Variants in ZNF292 observed in about 807,000 individuals in gnomAD.
The protein encoded by ZNF292 is 16 zinc-finger domain protein.
In ZNF292, 26 loss-of-function variants were observed where a neutral mutation model predicts 217.9. The observed-to-expected ratio is 0.12, with a 90% CI of 0.09 to 0.17. ZNF292 has a LOEUF of 0.17. Among genes scored for constraint, ZNF292 ranks in the 10% least tolerant of loss-of-function variants. The probability of loss-of-function intolerance (pLI) is 1.00; values close to 1 mark genes in which losing one functional copy is unlikely to be tolerated. For synonymous variants in ZNF292, 1,257 were observed against 1,124.1 expected (o/e 1.12, Z -2.37); for missense variants, 2,904 against 3,175.2 (o/e 0.91, Z 2.05).
intron 7 of ZNF292, among the ~76,000 whole-genome samples, chr6:87,248,459 G>A (rs538751376): frequency 1.3e-5 from 2 of 152,190 alleles, no homozygotes; most frequent in South Asian, 4.1e-4. Context: ...AAAAAATAAA[G>A]TAGCTGGGCA....
rs113358150 is a variant in ZNF292 at position 87,159,293 on chromosome 6, T to G, written c.168+3534T>G. Among the ~76,000 whole-genome samples, 555 of 152,230 alleles carry G rather than the reference T, an allele frequency of 3.6e-3. 2 individuals carry two copies. The highest frequency in any genetic ancestry group is 0.013 in the African/African-American group (534 of 41,544). ...TTTGCTTATTTAAATGAGAATTTGC[T>G]TAAAGCTTAAGTGGGAGGAGGGAAG... On this transcript the variant is annotated intron_variant, in intron 1 of 7. Coordinates refer to ENST00000369577, the MANE Select transcript of ZNF292 (RefSeq NM_015021.3).
In ZNF292 at chr6:87,258,143, G is replaced by A; in HGVS notation, c.4514G>A (p.Gly1505Asp). 1 of 1,612,046 alleles carries A rather than the reference G, an allele frequency of 6.2e-7. No homozygotes were observed. The highest frequency in any genetic ancestry group is 8.5e-7 in the Non-Finnish European group (1 of 1,179,162). The change falls in exon 8 of 8, where the codon GGT (glycine) becomes GAT (aspartate). Residue 1505 changes from glycine to aspartate, a missense_variant. Transcript: ENST00000369577. Reference protein sequence around the residue: ...ETAGIPSTFEGAEMLSHVSTG... With the variant: ...ETAGIPSTFEDAEMLSHVSTG... Reference sequence around the variant, plus strand: ...GCTGGCATTCCCAGTACATTTGAGGGTGCCGAAATGCTTTCTCATGTTTCA... The same window carrying A: ...GCTGGCATTCCCAGTACATTTGAGGATGCCGAAATGCTTTCTCATGTTTCA...
At chr6:87,215,649 C>A (rs942180359) in intron 1 of ZNF292, among the ~76,000 whole-genome samples, 1 of 152,036 alleles carries the variant, frequency 6.6e-6, no homozygotes, top group African/African-American at 2.4e-5. Context: ...ATAACTCTTG[C>A]CCTATTTAAA....
chr6:87,243,388 A>G, intron 5 of ZNF292, 87 bp from the exon 6 acceptor site: 4 of 1,151,706 alleles, frequency 3.5e-6, no homozygotes, highest in Non-Finnish European at 4.6e-6. Context: ...AAAACTATCT[A>G]AATATTTAAT....
intron 7 of ZNF292, among the ~76,000 whole-genome samples, chr6:87,247,273 A>ACGCG (rs1318310693): frequency 8.4e-6 from 1 of 118,812 alleles, no homozygotes; most frequent in Non-Finnish European, 1.7e-5. Context: ...CACCCGCAAC[A>ACGCG]CACACACATG....
chr6:87,167,476 A>G (rs1770955304), intron 1 of ZNF292, among the ~76,000 whole-genome samples: 1 of 152,148 alleles, frequency 6.6e-6, no homozygotes, highest in South Asian at 2.1e-4. Context: ...CCCCATCTCT[A>G]CTAAAAATAC....
chr6:87,156,015 T>A (rs1770519404), intron 1 of ZNF292, among the ~76,000 whole-genome samples: 1 of 152,164 alleles, frequency 6.6e-6, no homozygotes, highest in South Asian at 2.1e-4. Flanking sequence ...TTCCCTGAAC[T>A]CGGGACTGCG....
rs141338279 is a variant in ZNF292, at chr6:87,265,827, T to A, written c.*4026T>A. On this transcript the variant is annotated 3_prime_UTR_variant, in exon 8 of 8. Coordinates refer to ENST00000369577, the MANE Select transcript of ZNF292 (RefSeq NM_015021.3). ...AATTTATATATCCCAATGGGTTGAT[T>A]CCTTTGCTGTATTGGTTGTTAATGT... Among the ~76,000 whole-genome samples, 1 of 152,364 alleles carries A rather than the reference T, an allele frequency of 6.6e-6. No individual in the cohort carries two copies. Among genetic ancestry groups the A allele is most frequent in the Non-Finnish European group, 1.5e-5 (1 of 68,036 alleles).
intron 1 of ZNF292, among the ~76,000 whole-genome samples, chr6:87,199,011 G>A (rs771080844): frequency 1.3e-5 from 2 of 152,132 alleles, no homozygotes; most frequent in African/African-American, 4.8e-5. Context: ...GCTTATATTC[G>A]TTTTGGGTGG....
intron 1 of ZNF292, among the ~76,000 whole-genome samples, chr6:87,163,483 T>A (rs1239554069): frequency 6.6e-6 from 1 of 151,924 alleles, no homozygotes; most frequent in Non-Finnish European, 1.5e-5. Context: ...ACCACATACA[T>A]TTTAGTTACA....
chr6:87,257,093 A>G lies in ZNF292; in HGVS notation c.3464A>G (p.Tyr1155Cys), dbSNP rs894508130. ...LNTPNNGKFV[Y>C]FLPSPVNSSN... ...ACACCAAATAATGGAAAGTTTGTTT[A>G]TTTTTTGCCATCACCGGTGAACAGC... Residue 1155 changes from tyrosine to cysteine, a missense_variant, in exon 8 of 8, where the codon TAT becomes TGT. Physicochemically the swap from Tyr to Cys is radical, Grantham distance 194. This residue lies in a region of ZNF292 where 687 missense variants were observed against 623.0 expected (regional missense o/e 1.10). Coordinates refer to ENST00000369577, the MANE Select transcript of ZNF292 (RefSeq NM_015021.3). 1 of 1,613,758 alleles carries G rather than the reference A, an allele frequency of 6.2e-7. No homozygotes were observed. The highest frequency in any genetic ancestry group is 1.3e-5 in the African/African-American group (1 of 74,918).
In ZNF292 at chr6:87,258,652, C is replaced by A. The variant is rs1775380482; in HGVS notation, c.5023C>A (p.Pro1675Thr). 2 of 1,613,332 alleles carry A rather than the reference C, an allele frequency of 1.2e-6. No individual in the cohort carries two copies. The highest frequency in any genetic ancestry group is 1.7e-6 in the Non-Finnish European group (2 of 1,179,714). Reference protein sequence around the residue: ...PTTNLHSNVIPTCEPQSLVEN... With the variant: ...PTTNLHSNVITTCEPQSLVEN... ...TACTAACCTTCATTCAAATGTAATT[C>A]CAACTTGTGAACCTCAGAGTTTGGT... Residue 1675 changes from proline (P) to threonine (T), a missense_variant, in exon 8 of 8, where the codon CCA (proline) becomes ACA (threonine). By Grantham distance (38) the Pro-to-Thr change is conservative (BLOSUM62 -1). Coordinates refer to ENST00000369577, the MANE Select transcript of ZNF292 (RefSeq NM_015021.3).
intron 6 of ZNF292, among the ~76,000 whole-genome samples, chr6:87,244,630 C>T (rs961946173): frequency 1.3e-5 from 2 of 152,052 alleles, no homozygotes; most frequent in African/African-American, 2.4e-5. Flanking sequence ...AGTAGTAGTA[C>T]AGAGTTCAGA....
At chr6:87,171,549 T>A (rs2025630) in intron 1 of ZNF292, among the ~76,000 whole-genome samples, 96,264 of 152,020 alleles carry the variant, frequency 0.63, 32,139 homozygotes, top group African/African-American at 0.85. Flanking sequence ...CTATTAATAC[T>A]TTTAAGAGGA....
At position 87,263,692 on chromosome 6, in the gene ZNF292, A is replaced by G. The variant is rs1186275001; in HGVS notation, c.*1891A>G. The G allele has an allele frequency of 6.6e-6, 1 of 152,040 alleles. No homozygotes were observed. The highest frequency in any genetic ancestry group is 1.9e-4 in the East Asian group (1 of 5,204). The allele number at this position is 152,040 out of a possible 1,614,324, so 9.4% of individuals were successfully genotyped here. On this transcript the variant is annotated 3_prime_UTR_variant, in exon 8 of 8. Transcript: ENST00000369577. ...AAGTTATTTTATGGGTGATTAATAC[A>G]TGGGTTTTCTTTTTCCTAAATTAAC...
chr6:87,156,110 T>C (rs1026078349), intron 1 of ZNF292, among the ~76,000 whole-genome samples: 1 of 152,128 alleles, frequency 6.6e-6, no homozygotes, highest in African/African-American at 2.4e-5. Flanking sequence ...TCCTCCTCCT[T>C]TTATTGTGCA....
chr6:87,175,303 T>A (rs1365865417), intron 1 of ZNF292, among the ~76,000 whole-genome samples: 2 of 152,194 alleles, frequency 1.3e-5, no homozygotes, highest in Non-Finnish European at 2.9e-5. Flanking sequence ...CATTACTTTT[T>A]CATTGCAGTT....
Position 87,262,781 on chromosome 6 carries a change from T to G in ZNF292, c.*980T>G, listed in dbSNP as rs1224795148. 6.6e-6 allele frequency: 1 copy of G among 151,996 alleles called. No individual in the cohort carries two copies. The highest frequency in any genetic ancestry group is 1.5e-5 in the Non-Finnish European group (1 of 67,886). 9.4% of individuals were successfully genotyped at this position (151,996 alleles called of 1,614,324 possible). A position where few individuals can be genotyped will look rare whatever the true frequency, so the allele number is the denominator to read the frequency against. On this transcript the variant is annotated 3_prime_UTR_variant, in exon 8 of 8. Coordinates refer to ENST00000369577, the MANE Select transcript of ZNF292 (RefSeq NM_015021.3). ...TCTTATAAAGATTTTTTGTTTTGTT[T>G]TGTTTTCCATTTTCTGAGATTTATA...
At chr6:87,237,667 A>T (rs550225813) in intron 5 of ZNF292, among the ~76,000 whole-genome samples, 1 of 152,380 alleles carries the variant, frequency 6.6e-6, no homozygotes, top group East Asian at 1.9e-4. Context: ...TTTAAAACAT[A>T]CAAATTATTA....
Sources: gnomAD v4.1 joint callset for allele counts (sites outside exome capture counted in the v4.1 genomes callset) on GRCh38, gnomAD v4.1.1 for gene constraint, gnomAD v4.1.1 regional missense constraint, MANE v1.5 for transcripts, NCBI Gene and HGNC (gene_info 2026-07-23, HGNC 2026-07-21) for gene names.